The following PACRG variants were observed in gnomAD, a reference collection of about 807,000 sequenced individuals.
PACRG encodes the protein parkin coregulated.
PACRG carries 29 observed loss-of-function variants against 29.7 expected under a neutral mutation model. That is an observed-to-expected ratio of 0.98 (90% CI 0.73 to 1.33). The LOEUF is 1.33. Among genes scored for constraint, PACRG ranks in the 40% most tolerant of loss-of-function variants. PACRG has a pLI of 0.00. For synonymous variants in PACRG, 116 were observed against 118.7 expected (o/e 0.98, Z 0.15); for missense variants, 279 against 316.2 (o/e 0.88, Z 0.89).
intron 2 of PACRG, among the ~76,000 whole-genome samples, chr6:162,904,916 G>A (rs1035842908): frequency 2.6e-5 from 4 of 152,176 alleles, no homozygotes; most frequent in South Asian, 2.1e-4. Flanking sequence ...TGCAACCCCC[G>A]AAGGTGAGGA....
intron 1 of PACRG, among the ~76,000 whole-genome samples, chr6:162,787,079 C>T (rs1784516961): frequency 6.6e-6 from 1 of 152,002 alleles, no homozygotes; most frequent in African/African-American, 2.4e-5. Flanking sequence ...TGTGATCTGC[C>T]CTCAGCTTTT....
At chr6:162,902,589 G>T (rs1002049750) in intron 2 of PACRG, among the ~76,000 whole-genome samples, 1 of 152,096 alleles carries the variant, frequency 6.6e-6, no homozygotes, top group Non-Finnish European at 1.5e-5. Flanking sequence ...TTGCTATCCC[G>T]ACAATATATC....
chr6:163,072,737 C>T (rs1465762434), intron 3 of PACRG, among the ~76,000 whole-genome samples: 2 of 151,994 alleles, frequency 1.3e-5, no homozygotes, highest in Non-Finnish European at 2.9e-5. Context: ...AACTATTAGA[C>T]CTAATAAACA....
intron 2 of PACRG, among the ~76,000 whole-genome samples, chr6:162,866,358 C>T (rs980912584): frequency 1.3e-5 from 2 of 152,164 alleles, no homozygotes; most frequent in Non-Finnish European, 2.9e-5. Flanking sequence ...TAGGCCCTAC[C>T]GTCACCCATC....
intron 2 of PACRG, among the ~76,000 whole-genome samples, chr6:162,992,519 T>C (rs1287318032): frequency 6.8e-6 from 1 of 146,494 alleles, no homozygotes; most frequent in African/African-American, 2.5e-5. Context: ...TTTTCTAGTT[T>C]ATTTGCATAG....
chr6:162,880,817 CA>C (rs1475331008), intron 2 of PACRG, among the ~76,000 whole-genome samples: 1 of 152,232 alleles, frequency 6.6e-6, no homozygotes, highest in Admixed American at 6.5e-5. Context: ...ACATCGCTTT[CA>C]TCTGACTGTG....
At chr6:163,054,984 C>G (rs1290962728) in intron 2 of PACRG, among the ~76,000 whole-genome samples, 1 of 152,164 alleles carries the variant, frequency 6.6e-6, no homozygotes, top group African/African-American at 2.4e-5. Flanking sequence ...GGTACAACTT[C>G]ACCAGGTCAA....
intron 2 of PACRG, among the ~76,000 whole-genome samples, chr6:162,899,093 C>T (rs7738930): frequency 0.11 from 16,050 of 152,168 alleles, 1,861 homozygotes; most frequent in East Asian, 0.34. Context: ...TATTGTAGTA[C>T]ACCAACTCTG....
intron 4 of PACRG, among the ~76,000 whole-genome samples, chr6:163,183,820 T>C (rs1341860570): frequency 6.6e-6 from 1 of 152,220 alleles, no homozygotes; most frequent in Non-Finnish European, 1.5e-5. Flanking sequence ...AATATAACTG[T>C]AACGAAACTG....
intron 2 of PACRG, among the ~76,000 whole-genome samples, chr6:163,057,581 A>AT (rs767952493): frequency 5.3e-5 from 8 of 152,150 alleles, no homozygotes; most frequent in Admixed American, 3.9e-4. Flanking sequence ...ACTCTGGCTC[A>AT]TTTTTTATTT....
intron 2 of PACRG, among the ~76,000 whole-genome samples, chr6:162,916,573 T>A (rs1312743761): frequency 6.6e-6 from 1 of 152,172 alleles, no homozygotes; most frequent in African/African-American, 2.4e-5. Context: ...TCCTTAACCA[T>A]CTTTCTTATG....
At chr6:163,170,113 A>T (rs1185280601) in intron 4 of PACRG, among the ~76,000 whole-genome samples, 1 of 152,212 alleles carries the variant, frequency 6.6e-6, no homozygotes, top group Non-Finnish European at 1.5e-5. Context: ...GGGCTTCAAC[A>T]TAGGAATTTT....
At chr6:162,785,612 T>C (rs1784408340) in intron 1 of PACRG, among the ~76,000 whole-genome samples, 1 of 152,138 alleles carries the variant, frequency 6.6e-6, no homozygotes, top group Non-Finnish European at 1.5e-5. Context: ...GGCTTCAGGA[T>C]GAAACCGTTC....
intron 4 of PACRG, among the ~76,000 whole-genome samples, chr6:163,249,355 AC>A (rs1054616887): frequency 2.0e-5 from 3 of 152,320 alleles, no homozygotes; most frequent in Admixed American, 6.5e-5. Flanking sequence ...TTAAAAAAAA[AC>A]ATGCCCATTA....
chr6:163,247,062 G>C (rs1429663373), intron 4 of PACRG, among the ~76,000 whole-genome samples: 1 of 152,202 alleles, frequency 6.6e-6, no homozygotes, highest in Non-Finnish European at 1.5e-5. Context: ...GTATAATGAA[G>C]GGGGATCATT....
chr6:163,242,984 C>T (rs1009408861), intron 4 of PACRG, among the ~76,000 whole-genome samples: 3 of 152,206 alleles, frequency 2.0e-5, no homozygotes, highest in Non-Finnish European at 2.9e-5. Context: ...GTCTTTTTCC[C>T]TACAGATACA....
At chr6:162,908,976 C>CA (rs1462160540) in intron 2 of PACRG, among the ~76,000 whole-genome samples, 1 of 152,160 alleles carries the variant, frequency 6.6e-6, no homozygotes, top group East Asian at 1.9e-4. Context: ...CCCTCTAGAA[C>CA]AAAATCTCGA....
chr6:162,851,075 C>T (rs1374162528), intron 2 of PACRG, among the ~76,000 whole-genome samples: 2 of 152,212 alleles, frequency 1.3e-5, no homozygotes, highest in South Asian at 2.1e-4. Flanking sequence ...TTGACTGCGG[C>T]GGCAGTGGGG....
At chr6:162,926,695 A>G (rs1256359638) in intron 2 of PACRG, among the ~76,000 whole-genome samples, 2 of 152,206 alleles carry the variant, frequency 1.3e-5, no homozygotes, top group Non-Finnish European at 2.9e-5. Flanking sequence ...CCAAAACCAC[A>G]GAAACCCTAG....
Sources: allele counts gnomAD v4.1 joint callset (sites outside exome capture counted in the v4.1 genomes callset), GRCh38; gene constraint gnomAD v4.1.1; transcripts MANE v1.5; gene names NCBI Gene and HGNC (gene_info 2026-07-23, HGNC 2026-07-21).